The following SHANK1 variants were observed in gnomAD, a reference collection of about 807,000 sequenced individuals.
SHANK1 encodes the protein SH3 and multiple ankyrin repeat domains 1, also known as SH3 and multiple ankyrin repeat domains protein 1.
Under a neutral mutation model 165.6 loss-of-function variants are expected in SHANK1, and 35 were observed. The observed-to-expected ratio is 0.21, with a 90% confidence interval of 0.16 to 0.28. The LOEUF (loss-of-function observed/expected upper bound fraction) is 0.28. Ranked by LOEUF, SHANK1 falls within the 10% of genes least tolerant of loss-of-function variation. The pLI is 1.00. For synonymous variants in SHANK1, 1,428 were observed against 1,384.8 expected, an observed-to-expected ratio of 1.03 and a Z score of -0.69; for missense variants, 2,681 against 3,036.4, an observed-to-expected ratio of 0.88 and a Z score of 2.75.
chr19:50,674,859 C>T lies in SHANK1; in HGVS notation c.2578-2745G>A, dbSNP rs143834865. ...GGCAGATCACCTGAGGTCAGGAGTT[C>T]GAAACCAGCCTGGCCAACATGGTGA... On this transcript the variant is annotated intron_variant, in intron 21 of 23. Coordinates refer to ENST00000293441, the MANE Select transcript of SHANK1 (RefSeq NM_016148.5). Among the ~76,000 whole-genome samples the T allele has an allele frequency of 8.8e-3, 1,342 of 152,042 alleles. 19 individuals carry two copies. The highest frequency in any genetic ancestry group is 0.044 in the Middle Eastern group (13 of 294).
chr19:50,667,630 G>C lies in SHANK1; in HGVS notation c.4330C>G (p.Leu1444Val), dbSNP rs1015427186. Residue 1444 changes from leucine to valine, a missense_variant, in exon 23 of 24, where the codon CTG becomes GTG. Leu to Val is a conservative substitution (Grantham distance 32). Around this residue, in one of 10 missense-constraint regions of SHANK1, gnomAD observed 1,713 missense variants for 1,630.2 expected, o/e 1.05. Coordinates refer to ENST00000293441, the MANE Select transcript of SHANK1 (RefSeq NM_016148.5). The surrounding 1 kb of genome is among the most constrained non-coding windows in gnomAD (Gnocchi z 5.7). ...GCGGTGGGCGGCAGGCGGTGTAGCA[G>C]GGAACGCCGGGCGGCGGGCGGGCTG... ...PASPPAARRS[L>V]LHRLPPTAPG... is the part of the protein sequence containing the mutation. 9.8e-6 allele frequency: 14 copies of C among 1,425,386 alleles called. No individual in the cohort carries two copies. Among genetic ancestry groups the C allele is most frequent in the African/African-American group, 3.0e-5 (2 of 66,570 alleles). 88.3% of individuals were successfully genotyped at this position (1,425,386 alleles called of 1,614,324 possible).
At chr19:50,696,507 C>T (rs1986746611) in intron 15 of SHANK1, among the ~76,000 whole-genome samples, 1 of 151,864 alleles carries the variant, frequency 6.6e-6, no homozygotes, top group Non-Finnish European at 1.5e-5. Flanking sequence ...GGGGACTCTT[C>T]CCTGGATTGG....
rs1375486879 is a variant in SHANK1 at position 50,686,871 on chromosome 19, C to T, written c.2390-59G>A. On this transcript the variant is annotated intron_variant, in intron 19 of 23. Transcript: ENST00000293441. The surrounding 1 kb of genome is among the most constrained non-coding windows in gnomAD (Gnocchi z 5.7). ...GCCCCCGGGGGCGGGGCGGAGCGGGCTCGGCCTGTGGGCGTGGCCAGCAGG... is the reference window on the plus strand; with the variant it reads ...GCCCCCGGGGGCGGGGCGGAGCGGGTTCGGCCTGTGGGCGTGGCCAGCAGG... 6.2e-7 allele frequency: 1 copy of T among 1,600,568 alleles called. No individual in the cohort carries two copies.
chr19:50,711,313 C>A (rs1243177397), intron 8 of SHANK1, 58 bp downstream of exon 8: 36 of 1,200,414 alleles, frequency 3.0e-5, no homozygotes, highest in Middle Eastern at 2.0e-4. Flanking sequence ...GAGCTTGGCC[C>A]TGGGGGAGGC....
chr19:50,675,159 CAA>C (rs1985936663), intron 21 of SHANK1, among the ~76,000 whole-genome samples: 1 of 151,740 alleles, frequency 6.6e-6, no homozygotes, highest in Non-Finnish European at 1.5e-5. Context: ...CACCTGAGTG[CAA>C]GAGTTCAAGG....
chr19:50,668,778 GC>G lies in SHANK1; in HGVS notation c.3181del (p.Ala1061ProfsTer282), dbSNP rs1273066948. 3 of 1,271,372 alleles carry G rather than the reference GC, an allele frequency of 2.4e-6. No homozygotes were observed. Among genetic ancestry groups the G allele is most frequent in the South Asian group, 3.2e-5 (1 of 31,664 alleles). The allele number at this position is 1,271,372 out of a possible 1,614,324, so 78.8% of individuals were successfully genotyped here. A position where few individuals can be genotyped will look rare whatever the true frequency, so the allele number is the denominator to read the frequency against. On this transcript the variant is annotated frameshift_variant, in exon 23 of 24. Transcript: ENST00000293441. LOFTEE classifies it high-confidence loss of function. ...RGGGPSPTPGAPSPSHHGSAG... is the reference protein window; with the variant it reads ...RGGGPSPTPGXPSPSHHGSAG... ...GCTGCCGTGGTGCGATGGGGACGGG[GC>G]CCCCGGGGTCGGGCTGGGCCCGCCG... is the stretch of plus-strand genomic sequence containing the variant.
intron 21 of SHANK1, among the ~76,000 whole-genome samples, chr19:50,680,655 TC>T (rs1476109462): frequency 7.2e-6 from 1 of 139,792 alleles, no homozygotes; most frequent in East Asian, 2.0e-4. Context: ...GATAGTGGCA[TC>T]TTTTTTTTTT....
intron 23 of SHANK1, among the ~76,000 whole-genome samples, chr19:50,665,947 G>A (rs1985484500): frequency 6.7e-6 from 1 of 149,394 alleles, no homozygotes; most frequent in African/African-American, 2.5e-5. Flanking sequence ...GGAGGCAGAG[G>A]TTGTGGTGAG....
At chr19:50,687,087 G>A (rs1278844339) in intron 19 of SHANK1, 4 of 1,357,660 alleles carry the variant, frequency 2.9e-6, no homozygotes, top group Admixed American at 3.5e-5. Flanking sequence ...TAGGACGTCA[G>A]GGGAAGGTGA....
chr19:50,664,567 A>G (rs1218745614), intron 23 of SHANK1, among the ~76,000 whole-genome samples: 1 of 152,152 alleles, frequency 6.6e-6, no homozygotes, highest in Non-Finnish European at 1.5e-5. Flanking sequence ...GCCTAAGATC[A>G]CCCAGGTAGA....
At position 50,687,914 on chromosome 19, in the gene SHANK1, C is replaced by T. The variant is rs1292050458; in HGVS notation, c.2308+9G>A. 5 of 1,613,864 alleles carry T rather than the reference C, an allele frequency of 3.1e-6. No individual in the cohort carries two copies. The highest frequency in any genetic ancestry group is 4.2e-6 in the Non-Finnish European group (5 of 1,179,898). ...AGTGGGGTGGCTGCGAGAGTGGCCG[C>T]AGGAGCACCTTTCTTGTGCACTGCC... On this transcript the variant is annotated intron_variant, in intron 18 of 23. Coordinates refer to ENST00000293441, the MANE Select transcript of SHANK1 (RefSeq NM_016148.5).
intron 15 of SHANK1, among the ~76,000 whole-genome samples, chr19:50,689,959 G>T (rs1470725588): frequency 6.6e-6 from 1 of 152,138 alleles, no homozygotes; most frequent in Non-Finnish European, 1.5e-5. Flanking sequence ...GCACGTGGCT[G>T]TTTTTATGAA....
At position 50,702,737 on chromosome 19, in the gene SHANK1, G is replaced by A. The variant is rs1986965194; in HGVS notation, c.1554-77C>T. On this transcript the variant is annotated intron_variant, in intron 11 of 23. Coordinates refer to ENST00000293441, the MANE Select transcript of SHANK1 (RefSeq NM_016148.5). The surrounding 1 kb of genome is among the most constrained non-coding windows in gnomAD (Gnocchi z 5.3). The stretch of plus-strand genomic sequence containing the variant: ...TCTGGGAGGACAGGGGTCCTTGGGT[G>A]GGGGAAGAGGACGGTGCATCAGGGG... The A allele has an allele frequency of 3.2e-6, 3 of 927,906 alleles. No individual in the cohort carries two copies. Among genetic ancestry groups the A allele is most frequent in the African/African-American group, 1.7e-5 (1 of 59,388 alleles). The allele number at this position is 927,906 out of a possible 1,614,324, so 57.5% of individuals were successfully genotyped here. A position where few individuals can be genotyped will look rare whatever the true frequency, so the allele number is the denominator to read the frequency against.
Position 50,660,044 on chromosome 19 carries a change from T to C in SHANK1, c.*1921A>G, listed in dbSNP as rs1278672805. Among the ~76,000 whole-genome samples the C allele has an allele frequency of 1.0e-4, 15 of 146,198 alleles. No homozygotes were observed. The highest frequency in any genetic ancestry group is 3.5e-3 in the Middle Eastern group (1 of 288). On this transcript the variant is annotated 3_prime_UTR_variant, in exon 24 of 24. Transcript: ENST00000293441. ...CTCATGGACGGAGCGCCCCCCCCTC[T>C]CGGGGGTAGGGGGCAGCAGAGGGGG... is the stretch of plus-strand genomic sequence containing the variant.
chr19:50,689,306 G>GGGT, intron 15 of SHANK1, 27 bp from the exon 16 acceptor site: 1 of 1,469,530 alleles, frequency 6.8e-7, no homozygotes, highest in South Asian at 1.1e-5. Flanking sequence ...AGAAATGGGG[G>GGGT]GGTGGTGGGG....
intron 8 of SHANK1, among the ~76,000 whole-genome samples, chr19:50,708,110 C>G (rs1177921965): frequency 6.6e-6 from 1 of 151,886 alleles, no homozygotes; most frequent in African/African-American, 2.4e-5. Context: ...CCATGCCTGG[C>G]TAATTTTTGT....
In SHANK1 at chr19:50,670,959, A is replaced by G. The variant is rs558787301; in HGVS notation, c.2674+1059T>C. 5.5e-4 allele frequency among the ~76,000 whole-genome samples: 83 copies of G among 150,998 alleles called. No homozygotes were observed. The highest frequency in any genetic ancestry group is 1.8e-3 in the African/African-American group (76 of 41,112). On this transcript the variant is annotated intron_variant, in intron 22 of 23. Transcript: ENST00000293441. The surrounding 1 kb of genome is among the most constrained non-coding windows in gnomAD (Gnocchi z 4.1). ...CAGGCACATGCCACCACGCTTGGCT[A>G]ATTTTTGTATTTTTAGTAGAAATGG...
intron 15 of SHANK1, among the ~76,000 whole-genome samples, chr19:50,693,004 G>A (rs917980920): frequency 3.3e-5 from 5 of 149,636 alleles, no homozygotes; most frequent in Non-Finnish European, 3.0e-5. Context: ...CTGCACCTCC[G>A]TAAGTAATCT....
intron 21 of SHANK1, among the ~76,000 whole-genome samples, chr19:50,681,962 T>G (rs1986194096): frequency 6.6e-6 from 1 of 152,188 alleles, no homozygotes; most frequent in South Asian, 2.1e-4. Flanking sequence ...CAGGCTGGTC[T>G]CGAACTCCTG....
Sources: gnomAD v4.1 joint callset for allele counts (sites outside exome capture counted in the v4.1 genomes callset) on GRCh38, gnomAD v4.1.1 for gene constraint, gnomAD v4.1.1 regional missense constraint, Gnocchi (gnomAD v3.1) non-coding constraint, MANE v1.5 for transcripts, NCBI Gene and HGNC (gene_info 2026-07-23, HGNC 2026-07-21) for gene names.